TNFSF4: variants seen among roughly 807,000 people sequenced by gnomAD.
TNFSF4 encodes the protein TNF superfamily member 4.
TNFSF4 carries 4 observed loss-of-function variants against 7.3 expected under a neutral mutation model. The observed-to-expected ratio is 0.55, with a 90% CI of 0.27 to 1.25. The LOEUF (loss-of-function observed/expected upper bound fraction) is 1.25, where lower values mean the gene tolerates loss of function less well. Ranked by LOEUF, TNFSF4 falls within the 50% of genes most tolerant of loss-of-function variation. The probability of loss-of-function intolerance (pLI) is 0.12; values close to 1 mark genes in which losing one functional copy is unlikely to be tolerated. For synonymous variants in TNFSF4, 76 were observed against 83.7 expected, an observed-to-expected ratio of 0.91 and a Z score of 0.50; for missense variants, 181 against 208.8, an observed-to-expected ratio of 0.87 and a Z score of 0.82.
At chr1:173,353,139 A>G in the TNFSF4 span, among the ~76,000 whole-genome samples, 1 of 152,184 alleles carries the variant, frequency 6.6e-6, no homozygotes, top group Non-Finnish European at 1.5e-5. Context: ...AGTCAACGCA[A>G]TCATCACAGG....
At chr1:173,226,231 C>T in the TNFSF4 span, among the ~76,000 whole-genome samples, 2 of 152,234 alleles carry the variant, frequency 1.3e-5, no homozygotes, top group East Asian at 3.9e-4. Flanking sequence ...TATTCTTAGG[C>T]CCTTTGTCAT....
the TNFSF4 span, among the ~76,000 whole-genome samples, chr1:173,266,988 T>C: frequency 0.078 from 11,810 of 152,226 alleles, 609 homozygotes; most frequent in African/African-American, 0.14. Flanking sequence ...TGACATCTAG[T>C]GTTCTCAATG....
chr1:173,323,367 A>ACAC, the TNFSF4 span, among the ~76,000 whole-genome samples: 3 of 152,232 alleles, frequency 2.0e-5, no homozygotes, highest in Non-Finnish European at 4.4e-5. Flanking sequence ...AAGGACATCC[A>ACAC]CACCAAAAAC....
At chr1:173,392,998 T>C in the TNFSF4 span, among the ~76,000 whole-genome samples, 1 of 152,080 alleles carries the variant, frequency 6.6e-6, no homozygotes, top group East Asian at 1.9e-4. Flanking sequence ...AGGGAATGAA[T>C]GTTTGGTGGG....
intron 1 of TNFSF4, among the ~76,000 whole-genome samples, chr1:173,192,248 A>C (rs1649519846): frequency 6.6e-6 from 1 of 152,212 alleles, no homozygotes; most frequent in Non-Finnish European, 1.5e-5. Flanking sequence ...CAAGTATTTA[A>C]AGTCACTCAT....
At chr1:173,262,598 CTTTTTTTT>C in the TNFSF4 span, among the ~76,000 whole-genome samples, 7,101 of 105,068 alleles carry the variant, frequency 0.068, 212 homozygotes, top group East Asian at 0.16. Context: ...CCAAAAGATT[CTTTTTTTT>C]TTTTTTTTTT....
chr1:173,385,550 A>G, the TNFSF4 span, among the ~76,000 whole-genome samples: 1 of 152,256 alleles, frequency 6.6e-6, no homozygotes, highest in East Asian at 1.9e-4. Flanking sequence ...TATTACATGA[A>G]CAAGCTAGTA....
the TNFSF4 span, among the ~76,000 whole-genome samples, chr1:173,231,573 G>A: frequency 1.1e-4 from 17 of 152,254 alleles, no homozygotes; most frequent in East Asian, 7.7e-4. Context: ...CCTATTCAAC[G>A]TAGTGTTGGA....
chr1:173,348,791 G>C, the TNFSF4 span, among the ~76,000 whole-genome samples: 7 of 152,054 alleles, frequency 4.6e-5, no homozygotes, highest in Non-Finnish European at 1.0e-4. Context: ...AAAAAATTTG[G>C]ATGAAATGGG....
chr1:173,416,781 G>A, the TNFSF4 span, among the ~76,000 whole-genome samples: 1 of 151,862 alleles, frequency 6.6e-6, no homozygotes, highest in Non-Finnish European at 1.5e-5. Context: ...ATTTTTAGTA[G>A]AGACAGGGTT....
chr1:173,275,483 A>T, the TNFSF4 span, among the ~76,000 whole-genome samples: 1 of 152,308 alleles, frequency 6.6e-6, no homozygotes, highest in African/African-American at 2.4e-5. Flanking sequence ...TAAAAACACC[A>T]AGGTGAATTG....
the TNFSF4 span, among the ~76,000 whole-genome samples, chr1:173,378,312 AG>A: frequency 6.6e-6 from 1 of 151,976 alleles, no homozygotes; most frequent in Non-Finnish European, 1.5e-5. Flanking sequence ...CTTGGGCAAG[AG>A]GTGTTTCTGC....
At chr1:173,226,122 C>G in the TNFSF4 span, among the ~76,000 whole-genome samples, 1 of 151,990 alleles carries the variant, frequency 6.6e-6, no homozygotes, top group Non-Finnish European at 1.5e-5. Flanking sequence ...ATATGTACAT[C>G]ATCCTTCATG....
At chr1:173,333,986 C>T in the TNFSF4 span, among the ~76,000 whole-genome samples, 1 of 152,008 alleles carries the variant, frequency 6.6e-6, no homozygotes, top group African/African-American at 2.4e-5. Flanking sequence ...ACTCACCCAC[C>T]TTCCAGATCT....
the TNFSF4 span, among the ~76,000 whole-genome samples, chr1:173,316,369 G>T: frequency 5.3e-5 from 8 of 152,020 alleles, no homozygotes; most frequent in African/African-American, 1.7e-4. Context: ...TTGGTTAGAT[G>T]GGATGAAAAG....
chr1:173,190,341 C>T (rs1049613722), intron 1 of TNFSF4, among the ~76,000 whole-genome samples: 1 of 152,204 alleles, frequency 6.6e-6, no homozygotes. Context: ...TTCCCACTCT[C>T]CTGGCACACT....
At chr1:173,434,135 T>C in the TNFSF4 span, among the ~76,000 whole-genome samples, 4 of 152,320 alleles carry the variant, frequency 2.6e-5, no homozygotes, top group African/African-American at 9.6e-5. Context: ...GCCACCAGAA[T>C]CATAAGACAC....
the TNFSF4 span, among the ~76,000 whole-genome samples, chr1:173,429,168 G>A: frequency 6.6e-6 from 1 of 152,028 alleles, no homozygotes; most frequent in South Asian, 2.1e-4. Context: ...ATCTCTACTT[G>A]TATGTATCTT....
the TNFSF4 span, among the ~76,000 whole-genome samples, chr1:173,368,653 C>T: frequency 6.6e-6 from 1 of 152,184 alleles, no homozygotes; most frequent in South Asian, 2.1e-4. Context: ...TACTTCTGGG[C>T]TGAGCCAAGG....
Sources: gnomAD v4.1 joint callset for allele counts (sites outside exome capture counted in the v4.1 genomes callset) on GRCh38, gnomAD v4.1.1 for gene constraint, MANE v1.5 for transcripts, NCBI Gene and HGNC (gene_info 2026-07-23, HGNC 2026-07-21) for gene names.